The following TECPR2 variants were observed in gnomAD, a reference collection of about 807,000 sequenced individuals.
The protein encoded by TECPR2 is tectonin beta-propeller repeat-containing protein 2.
In TECPR2, 65 loss-of-function variants were observed where a neutral mutation model predicts 138.1. The observed-to-expected ratio is 0.47, with a 90% confidence interval of 0.39 to 0.58. The LOEUF (loss-of-function observed/expected upper bound fraction) is 0.58, where lower values mean the gene tolerates loss of function less well. Ranked by LOEUF, TECPR2 falls within the 20% of genes least tolerant of loss-of-function variation. The pLI, the probability that TECPR2 is intolerant of heterozygous loss-of-function variation, is 0.00. For missense variants in TECPR2, 1,553 were observed against 1,824.5 expected (o/e 0.85, Z 2.71); for synonymous variants, 746 against 749.8 (o/e 0.99, Z 0.08).
At chr14:102,457,869 C>CTTTTTTTTTTTTTTTTTTTT (rs748372168) in intron 16 of TECPR2, among the ~76,000 whole-genome samples, 4 of 102,744 alleles carry the variant, frequency 3.9e-5, no homozygotes, top group African/African-American at 1.6e-4. Context: ...ACTAAATTCC[C>CTTTTTTTTTTTTTTTTTTTT]TTTTTTTTTT....
chr14:102,366,031 T>C (rs1270945767), intron 1 of TECPR2, among the ~76,000 whole-genome samples: 2 of 152,214 alleles, frequency 1.3e-5, no homozygotes, highest in African/African-American at 2.4e-5. Flanking sequence ...AAATTGTTGC[T>C]TCCTAGGGAT....
In TECPR2 at chr14:102,499,266, C is replaced by T. The variant is rs1035379148; in HGVS notation, c.*1009C>T. The T allele has an allele frequency of 1.1e-5, 7 of 654,794 alleles. No individual in the cohort carries two copies. Among genetic ancestry groups the T allele is most frequent in the South Asian group, 3.3e-5 (2 of 60,362 alleles). The allele number at this position is 654,794 out of a possible 1,614,324, so 40.6% of individuals were successfully genotyped here. A position where few individuals can be genotyped will look rare whatever the true frequency, so the allele number is the denominator to read the frequency against. ...AATGGTGTTTAACTAATGCTGCTGG[C>T]GGACATCCTAAAACCAGATGCATCC... On this transcript the variant is annotated 3_prime_UTR_variant, in exon 20 of 20. Coordinates refer to ENST00000359520, the MANE Select transcript of TECPR2 (RefSeq NM_014844.5).
intron 2 of TECPR2, among the ~76,000 whole-genome samples, chr14:102,377,328 T>C (rs1887668186): frequency 6.6e-6 from 1 of 152,112 alleles, no homozygotes. Context: ...CTAGTTTTTG[T>C]TTTGTTTTGT....
rs142254536 is a variant in TECPR2, at chr14:102,435,329, G to A, written c.2394+118G>A. ...AAATTCTATTCCTACTGCAAAATCC[G>A]TAGGCCAACTCTGTTTTCAAGTCTG... On this transcript the variant is annotated intron_variant, in intron 9 of 19. Coordinates refer to ENST00000359520, the MANE Select transcript of TECPR2 (RefSeq NM_014844.5). 37 of 1,402,856 alleles carry A rather than the reference G, an allele frequency of 2.6e-5. No individual in the cohort carries two copies. The South Asian group carries it at 3.6e-4, about 14-fold the overall frequency. 86.9% of individuals were successfully genotyped at this position (1,402,856 alleles called of 1,614,324 possible).
At chr14:102,394,358 C>T (rs1291331301) in intron 2 of TECPR2, among the ~76,000 whole-genome samples, 1 of 152,200 alleles carries the variant, frequency 6.6e-6, no homozygotes, top group African/African-American at 2.4e-5. Context: ...GTAATCCCAG[C>T]ACTTTGGGAG....
chr14:102,434,871 C>T lies in TECPR2; in HGVS notation c.2054C>T (p.Thr685Ile), dbSNP rs1208124709. 1 of 1,613,690 alleles carries T rather than the reference C, an allele frequency of 6.2e-7. No homozygotes were observed. The highest frequency in any genetic ancestry group is 8.5e-7 in the Non-Finnish European group (1 of 1,180,026). ...VEPSQEQDIL[T>I]SMEASGHLST... ...CCCAGCCAAGAGCAGGACATCCTAA[C>T]CAGCATGGAGGCCTCTGGCCACCTC... Residue 685 changes from threonine to isoleucine, a missense_variant, in exon 9 of 20, where the codon ACC becomes ATC. Transcript: ENST00000359520.
chr14:102,444,737 G>A (rs1889924237), intron 12 of TECPR2, among the ~76,000 whole-genome samples: 1 of 152,172 alleles, frequency 6.6e-6, no homozygotes, highest in South Asian at 2.1e-4. Context: ...ACTTTGGAAG[G>A]CCAAGGCAGG....
intron 2 of TECPR2, among the ~76,000 whole-genome samples, chr14:102,384,676 C>CAAA (rs201649482): frequency 5.9e-5 from 8 of 135,916 alleles, no homozygotes; most frequent in South Asian, 4.7e-4. Context: ...GACACCACCT[C>CAAA]AAAAAAAAAT....
chr14:102,418,166 A>G (rs1889079516), intron 5 of TECPR2, among the ~76,000 whole-genome samples: 1 of 152,150 alleles, frequency 6.6e-6, no homozygotes. Flanking sequence ...AGAGGGGAAA[A>G]TGAGGTCACC....
In TECPR2 at chr14:102,425,301, G is replaced by A. The variant is rs1889287169; in HGVS notation, c.951+10G>A. The A allele has an allele frequency of 6.4e-7, 1 of 1,567,970 alleles. No individual in the cohort carries two copies. Among genetic ancestry groups the A allele is most frequent in the East Asian group, 2.3e-5 (1 of 44,400 alleles). On this transcript the variant is annotated intron_variant, in intron 6 of 19. Transcript: ENST00000359520. ...AGACACAGTCAACCAGGTAAGTGAAGGGACGCCACCATATCTTCTGTGTCT... is the reference window on the plus strand; with the variant it reads ...AGACACAGTCAACCAGGTAAGTGAAAGGACGCCACCATATCTTCTGTGTCT...
In TECPR2 at chr14:102,435,223, C is replaced by A; in HGVS notation, c.2394+12C>A. On this transcript the variant is annotated intron_variant, in intron 9 of 19. Coordinates refer to ENST00000359520, the MANE Select transcript of TECPR2 (RefSeq NM_014844.5). ...TCAAGCCAGATCAGGTATGTGGGTTCGGGTGGTGGGAAAAGTAGCTGAGGC... is the reference window on the plus strand; with the variant it reads ...TCAAGCCAGATCAGGTATGTGGGTTAGGGTGGTGGGAAAAGTAGCTGAGGC... The A allele has an allele frequency of 6.3e-7, 1 of 1,577,178 alleles. No individual in the cohort carries two copies. The highest frequency in any genetic ancestry group is 1.1e-5 in the South Asian group (1 of 89,152).
Position 102,443,784 on chromosome 14 carries a change from A to G in TECPR2, c.2890A>G (p.Ser964Gly). The G allele has an allele frequency of 6.2e-7, 1 of 1,604,112 alleles. No individual in the cohort carries two copies. The highest frequency in any genetic ancestry group is 8.5e-7 in the Non-Finnish European group (1 of 1,173,048). Residue 964 changes from serine (S) to glycine (G), a missense_variant, in exon 12 of 20, where the codon AGC (serine) becomes GGC (glycine). By Grantham distance (56) the Ser-to-Gly change is moderately conservative (BLOSUM62 0). Coordinates refer to ENST00000359520, the MANE Select transcript of TECPR2 (RefSeq NM_014844.5). This position sits in a 1 kb window ranked among gnomAD's most constrained non-coding sequence, Gnocchi z 4.9. The stretch of plus-strand genomic sequence containing the variant: ...CCTCCTGTACCGGGAGGGCGTGAGC[A>G]GCTTCTGTCCGGAAGGCGAGCAGTG... ...RALLYREGVS[S>G]FCPEGEQWKC... is the part of the protein sequence containing the mutation.
At chr14:102,431,435 C>T (rs566952416) in intron 7 of TECPR2, among the ~76,000 whole-genome samples, 2 of 151,332 alleles carry the variant, frequency 1.3e-5, no homozygotes, top group Admixed American at 1.3e-4. Flanking sequence ...CTTTGCCTCC[C>T]AGGTTCACAC....
intron 2 of TECPR2, among the ~76,000 whole-genome samples, chr14:102,407,040 A>G (rs1360621588): frequency 6.6e-6 from 1 of 151,864 alleles, no homozygotes; most frequent in Non-Finnish European, 1.5e-5. Flanking sequence ...TTGTGTTTTT[A>G]GTAGAGACGG....
At chr14:102,479,174 C>G (rs763470767) in intron 17 of TECPR2, among the ~76,000 whole-genome samples, 1 of 152,092 alleles carries the variant, frequency 6.6e-6, no homozygotes, top group Non-Finnish European at 1.5e-5. Flanking sequence ...ACCTGGTTTC[C>G]GAGGATGGGT....
chr14:102,410,426 C>A (rs969473898), intron 4 of TECPR2, among the ~76,000 whole-genome samples: 14 of 150,186 alleles, frequency 9.3e-5, no homozygotes, highest in African/African-American at 3.2e-4. Context: ...TGCCAAATCC[C>A]CCTCTGTGAG....
chr14:102,404,241 T>G (rs1291443145), intron 2 of TECPR2, among the ~76,000 whole-genome samples: 1 of 152,046 alleles, frequency 6.6e-6, no homozygotes, highest in Non-Finnish European at 1.5e-5. Context: ...CCACCCAAAG[T>G]AATTTATAAG....
At chr14:102,378,188 G>C (rs1000976503) in intron 2 of TECPR2, among the ~76,000 whole-genome samples, 4 of 152,146 alleles carry the variant, frequency 2.6e-5, no homozygotes, top group Admixed American at 2.0e-4. Flanking sequence ...GTGGTTAGGG[G>C]GCTTTTATGG....
At chr14:102,384,676 C>A (rs1372838151) in intron 2 of TECPR2, among the ~76,000 whole-genome samples, 16 of 135,854 alleles carry the variant, frequency 1.2e-4, no homozygotes, top group South Asian at 2.4e-4. Context: ...GACACCACCT[C>A]AAAAAAAAAT....
Sources: allele counts gnomAD v4.1 joint callset (sites outside exome capture counted in the v4.1 genomes callset), GRCh38; gene constraint gnomAD v4.1.1; non-coding constraint Gnocchi (gnomAD v3.1); transcripts MANE v1.5; gene names NCBI Gene and HGNC (gene_info 2026-07-23, HGNC 2026-07-21).